Variants in DHX35 observed in about 807,000 individuals in gnomAD.
The protein encoded by DHX35 is DEAH-box helicase 35, also known as probable ATP-dependent RNA helicase DHX35.
Under a neutral mutation model 99.6 loss-of-function variants are expected in DHX35, and 84 were observed. That is an observed-to-expected ratio of 0.84 (90% CI 0.71 to 1.01). The LOEUF (loss-of-function observed/expected upper bound fraction) is 1.01, where lower values mean the gene tolerates loss of function less well. Ranked by LOEUF, DHX35 falls within the 50% of genes least tolerant of loss-of-function variation. DHX35 has a pLI of 0.00. For missense variants in DHX35, 852 were observed against 888.5 expected (o/e 0.96, Z 0.52); for synonymous variants, 331 against 316.2 (o/e 1.05, Z -0.50).
intron 8 of DHX35, among the ~76,000 whole-genome samples, chr20:39,000,967 C>T (rs2086510142): frequency 6.6e-6 from 1 of 152,122 alleles, no homozygotes; most frequent in African/African-American, 2.4e-5. Context: ...GTCACATTCC[C>T]CAAGAGAGGA....
chr20:38,989,669 G>A (rs1254849400), intron 5 of DHX35, among the ~76,000 whole-genome samples: 2 of 152,090 alleles, frequency 1.3e-5, no homozygotes, highest in Non-Finnish European at 2.9e-5. Flanking sequence ...AAATAGAGTA[G>A]TATAAGTTGA....
chr20:39,020,177 T>C (rs2086850560), intron 15 of DHX35, among the ~76,000 whole-genome samples: 1 of 152,268 alleles, frequency 6.6e-6, no homozygotes, highest in Admixed American at 6.5e-5. Context: ...TGCTTCCAAA[T>C]TGTGGCTGTT....
chr20:39,009,230 C>T (rs1426854811), intron 12 of DHX35, among the ~76,000 whole-genome samples: 1 of 152,168 alleles, frequency 6.6e-6, no homozygotes, highest in East Asian at 1.9e-4. Context: ...AAGCTGTACC[C>T]CAAATTCTCT....
At chr20:38,968,078 G>T (rs2085935873) in intron 1 of DHX35, among the ~76,000 whole-genome samples, 1 of 152,198 alleles carries the variant, frequency 6.6e-6, no homozygotes, top group Admixed American at 6.5e-5. Flanking sequence ...GCTCCGTGAG[G>T]GTAGGGCTGG....
chr20:38,991,370 A>G, intron 5 of DHX35, 84 bp from the exon 6 acceptor site: 1 of 1,199,762 alleles, frequency 8.3e-7, no homozygotes, highest in South Asian at 1.4e-5. Context: ...ATGCTGGCAA[A>G]GAGGTTGCAC....
chr20:38,992,943 T>G (rs1257309860), intron 7 of DHX35, among the ~76,000 whole-genome samples: 3 of 152,218 alleles, frequency 2.0e-5, no homozygotes, highest in African/African-American at 7.2e-5. Context: ...TTATTAAGGT[T>G]TCATACATAT....
At position 38,969,190 on chromosome 20, in the gene DHX35, G is replaced by A; in HGVS notation, c.150G>A (p.Gln50=). 6.2e-7 allele frequency: 1 copy of A among 1,610,336 alleles called. No individual in the cohort carries two copies. The highest frequency in any genetic ancestry group is 1.1e-5 in the South Asian group (1 of 90,802). ...NPYAALSIEQ[Q]RQKLPVFKLR... The stretch of plus-strand genomic sequence containing the variant: ...ATGCTGCCCTTTCCATAGAGCAGCA[G>A]AGGCAGAAGCTGCCGGTATTCAAGG... Residue 50 remains glutamine, a synonymous_variant, in exon 2 of 22, where the codon CAG becomes CAA. Transcript: ENST00000252011.
intron 13 of DHX35, among the ~76,000 whole-genome samples, chr20:39,014,311 C>A (rs1317511938): frequency 1.3e-5 from 2 of 152,178 alleles, no homozygotes; most frequent in Non-Finnish European, 2.9e-5. Flanking sequence ...GACTGAGGCT[C>A]ACTACATCAG....
At chr20:38,977,644 A>G in intron 3 of DHX35, 1 of 353,664 alleles carries the variant, frequency 2.8e-6, no homozygotes, top group South Asian at 2.5e-5. Context: ...CCTGGACAAC[A>G]TTTATCAAAC....
chr20:38,986,783 G>A (rs757055289), intron 4 of DHX35, among the ~76,000 whole-genome samples: 17 of 152,210 alleles, frequency 1.1e-4, no homozygotes, highest in Non-Finnish European at 2.2e-4. Context: ...TTCATAAGAC[G>A]TTTTGAAAGC....
At chr20:39,034,180 T>C in intron 20 of DHX35, 26 bp from the exon 21 acceptor site, 7 of 1,547,458 alleles carry the variant, frequency 4.5e-6, no homozygotes, top group Non-Finnish European at 6.2e-6. Context: ...AGGGGGAAAT[T>C]AGCTCATGTT....
intron 15 of DHX35, among the ~76,000 whole-genome samples, chr20:39,020,950 A>G (rs1006164351): frequency 6.6e-6 from 1 of 152,096 alleles, no homozygotes; most frequent in African/African-American, 2.4e-5. Flanking sequence ...GGTGTGAGCT[A>G]CCACACCTGG....
intron 15 of DHX35, among the ~76,000 whole-genome samples, chr20:39,021,417 A>C (rs777901936): frequency 6.6e-6 from 1 of 152,202 alleles, no homozygotes; most frequent in African/African-American, 2.4e-5. Flanking sequence ...GGAGTCCTTC[A>C]AGGCTACTAT....
intron 18 of DHX35, among the ~76,000 whole-genome samples, chr20:39,027,707 A>G (rs2086980372): frequency 6.6e-6 from 1 of 152,132 alleles, no homozygotes; most frequent in Admixed American, 6.5e-5. Flanking sequence ...GTCACCAAAG[A>G]AAAAAAATGC....
intron 7 of DHX35, among the ~76,000 whole-genome samples, 172 bp downstream of exon 7, chr20:38,992,597 CTCT>C (rs1452220884): frequency 2.1e-5 from 3 of 140,646 alleles, no homozygotes; most frequent in African/African-American, 8.1e-5. Context: ...ATATTTTCTT[CTCT>C]TTTCTGTGTG....
intron 8 of DHX35, among the ~76,000 whole-genome samples, chr20:39,001,431 A>G (rs2086518603): frequency 6.6e-6 from 1 of 152,224 alleles, no homozygotes; most frequent in African/African-American, 2.4e-5. Context: ...AATAATATAA[A>G]TAATACTAAA....
chr20:38,977,110 A>G (rs148641486), intron 3 of DHX35, among the ~76,000 whole-genome samples: 8 of 152,170 alleles, frequency 5.3e-5, no homozygotes, highest in Admixed American at 3.3e-4. Flanking sequence ...ATAAATACCC[A>G]GTAGTGGGAT....
chr20:38,971,451 C>T (rs1364315789), intron 2 of DHX35, among the ~76,000 whole-genome samples: 1 of 152,084 alleles, frequency 6.6e-6, no homozygotes, highest in Non-Finnish European at 1.5e-5. Flanking sequence ...GCCACCTGTT[C>T]CCTTGTCTGC....
chr20:39,003,407 A>G (rs1349627072), intron 10 of DHX35, among the ~76,000 whole-genome samples: 1 of 152,220 alleles, frequency 6.6e-6, no homozygotes, highest in Non-Finnish European at 1.5e-5. Flanking sequence ...GTGATTTTAT[A>G]TGCTGCAACT....
Sources: allele counts gnomAD v4.1 joint callset (sites outside exome capture counted in the v4.1 genomes callset), GRCh38; gene constraint gnomAD v4.1.1; transcripts MANE v1.5; gene names NCBI Gene and HGNC (gene_info 2026-07-23, HGNC 2026-07-21).